TANC2: variants seen among roughly 807,000 people sequenced by gnomAD.
TANC2 encodes protein TANC2.
A neutral mutation model predicts 210.5 loss-of-function variants in TANC2; 26 were observed. The ratio of observed to expected loss-of-function variants is 0.12; its 90% confidence interval spans 0.09 to 0.17. The LOEUF is 0.17. TANC2 is among the 10% of genes least tolerant of loss of function. The pLI, the probability that TANC2 is intolerant of heterozygous loss-of-function variation, is 1.00. For missense variants in TANC2, 2,129 were observed against 2,608.9 expected, an observed-to-expected ratio of 0.82 and a Z score of 4.01; for synonymous variants, 931 against 967.1, an observed-to-expected ratio of 0.96 and a Z score of 0.69.
chr17:63,275,880 T>C (rs1363852521), intron 9 of TANC2, among the ~76,000 whole-genome samples: 1 of 152,126 alleles, frequency 6.6e-6, no homozygotes, highest in Non-Finnish European at 1.5e-5. Context: ...GCAAGATATC[T>C]CACTGGAAAT....
chr17:62,999,742 A>G, intron 1 of TANC2, among the ~76,000 whole-genome samples: 1 of 152,092 alleles, frequency 6.6e-6, no homozygotes. Context: ...TCCCTGGTAT[A>G]TGCCCAAAGC....
intron 1 of TANC2, among the ~76,000 whole-genome samples, chr17:62,991,512 G>A (rs568886181): frequency 1.1e-3 from 160 of 151,828 alleles, no homozygotes; most frequent in South Asian, 3.3e-3. Context: ...GGTGGCGGGG[G>A]CCCGTAGGTC....
At chr17:63,112,746 A>G (rs1446326533) in intron 4 of TANC2, among the ~76,000 whole-genome samples, 2 of 152,250 alleles carry the variant, frequency 1.3e-5, no homozygotes, top group African/African-American at 4.8e-5. Context: ...ACAAGGGGAA[A>G]TAATAAAAAG....
At chr17:63,208,523 T>C (rs1430764516) in intron 7 of TANC2, among the ~76,000 whole-genome samples, 1 of 152,214 alleles carries the variant, frequency 6.6e-6, no homozygotes, top group Non-Finnish European at 1.5e-5. Context: ...CAAATAAACT[T>C]AAGAATCAAT....
chr17:63,331,648 T>C (rs1056626234), intron 11 of TANC2, among the ~76,000 whole-genome samples: 3 of 152,150 alleles, frequency 2.0e-5, no homozygotes, highest in Non-Finnish European at 2.9e-5. Context: ...AGATCTGGGT[T>C]TTTCAAAAAG....
intron 2 of TANC2, among the ~76,000 whole-genome samples, chr17:63,039,398 A>G (rs2035096033): frequency 1.3e-5 from 2 of 152,224 alleles, no homozygotes; most frequent in Non-Finnish European, 2.9e-5. Context: ...GTTGGATTAA[A>G]GCAAAGTGAA....
At chr17:63,331,922 T>A in intron 11 of TANC2, 1 of 233,202 alleles carries the variant, frequency 4.3e-6, no homozygotes, top group Non-Finnish European at 8.4e-6. Context: ...CTTCTCTCCA[T>A]TTGGCGGTAT....
chr17:63,156,231 T>C (rs2039831962), intron 5 of TANC2, among the ~76,000 whole-genome samples: 2 of 152,160 alleles, frequency 1.3e-5, no homozygotes, highest in Non-Finnish European at 2.9e-5. Flanking sequence ...ACAATAAGTA[T>C]GAAACAGAAT....
chr17:63,059,974 A>G (rs2035937999), intron 2 of TANC2, among the ~76,000 whole-genome samples: 1 of 152,170 alleles, frequency 6.6e-6, no homozygotes, highest in South Asian at 2.1e-4. Context: ...TTTTCAGTGG[A>G]TAGAGTTAGG....
At chr17:63,020,053 A>G (rs766166221) in intron 2 of TANC2, among the ~76,000 whole-genome samples, 10 of 152,120 alleles carry the variant, frequency 6.6e-5, no homozygotes, top group Non-Finnish European at 1.2e-4. Context: ...CAGCCTCCCC[A>G]GTAGCTGGGA....
intron 10 of TANC2, among the ~76,000 whole-genome samples, chr17:63,315,228 G>C (rs2045277395): frequency 6.6e-6 from 1 of 152,180 alleles, no homozygotes; most frequent in African/African-American, 2.4e-5. Context: ...GGATCTTACT[G>C]ATTTATTTTT....
At chr17:63,186,619 G>A (rs1055805444) in intron 5 of TANC2, among the ~76,000 whole-genome samples, 16 of 152,022 alleles carry the variant, frequency 1.1e-4, no homozygotes, top group Admixed American at 9.2e-4. Context: ...GCCTCCCAAA[G>A]TGCTGGGATT....
At chr17:63,409,262 C>G in intron 21 of TANC2, among the ~76,000 whole-genome samples, 1 of 152,018 alleles carries the variant, frequency 6.6e-6, no homozygotes, top group Non-Finnish European at 1.5e-5. Context: ...GCCTGGAACC[C>G]CTGGGCTCAA....
At chr17:62,972,458 T>C (rs751864400) in intron 1 of TANC2, among the ~76,000 whole-genome samples, 1 of 152,242 alleles carries the variant, frequency 6.6e-6, no homozygotes, top group Non-Finnish European at 1.5e-5. Context: ...GAGAGTCTCA[T>C]GTCACTCATT....
intron 4 of TANC2, among the ~76,000 whole-genome samples, chr17:63,126,059 T>A (rs2038696196): frequency 6.6e-6 from 1 of 152,274 alleles, no homozygotes; most frequent in Middle Eastern, 3.4e-3. Flanking sequence ...CTAGGGTTAT[T>A]ATGAGGATTA....
At chr17:63,063,531 CGTGT>C (rs59132639) in intron 2 of TANC2, among the ~76,000 whole-genome samples, 1,535 of 108,184 alleles carry the variant, frequency 0.014, 19 homozygotes, top group East Asian at 0.033. Flanking sequence ...GGGACAAAGA[CGTGT>C]GTGTGTGTGT....
At chr17:63,233,695 T>G (rs1336635440) in intron 7 of TANC2, among the ~76,000 whole-genome samples, 1 of 152,256 alleles carries the variant, frequency 6.6e-6, no homozygotes, top group Non-Finnish European at 1.5e-5. Context: ...GTTGTTGTTT[T>G]TTAGAGAGCC....
intron 2 of TANC2, among the ~76,000 whole-genome samples, chr17:63,012,239 T>C (rs1283648125): frequency 6.6e-6 from 1 of 152,058 alleles, no homozygotes; most frequent in Non-Finnish European, 1.5e-5. Context: ...CAGGCTGTTC[T>C]TGAACTCCTG....
chr17:62,982,417 G>T, intron 1 of TANC2, among the ~76,000 whole-genome samples: 1 of 151,952 alleles, frequency 6.6e-6, no homozygotes, highest in Admixed American at 6.6e-5. Flanking sequence ...TTAATTCTTG[G>T]TAATTTTGAT....
Sources: gnomAD v4.1 joint callset for allele counts (sites outside exome capture counted in the v4.1 genomes callset) on GRCh38, gnomAD v4.1.1 for gene constraint, MANE v1.5 for transcripts, NCBI Gene and HGNC (gene_info 2026-07-23, HGNC 2026-07-21) for gene names.